TMC2: variants seen among roughly 807,000 people sequenced by gnomAD.
TMC2 encodes transmembrane channel-like protein 2.
In TMC2, 102 loss-of-function variants were observed where a neutral mutation model predicts 105.9. The ratio of observed to expected loss-of-function variants is 0.96; its 90% CI spans 0.82 to 1.14. TMC2 has a LOEUF of 1.14. Ranked by LOEUF, TMC2 falls within the 50% of genes most tolerant of loss-of-function variation. The probability of loss-of-function intolerance (pLI) is 0.00; values close to 1 mark genes in which losing one functional copy is unlikely to be tolerated. For synonymous variants in TMC2, 402 were observed against 422.8 expected (o/e 0.95, Z 0.60); for missense variants, 1,093 against 1,134.3 (o/e 0.96, Z 0.52).
chr20:2,543,071 T>C (rs1386399615), intron 2 of TMC2, among the ~76,000 whole-genome samples: 1 of 152,002 alleles, frequency 6.6e-6, no homozygotes, highest in Non-Finnish European at 1.5e-5. Flanking sequence ...ACCCTGTCTC[T>C]ACTAAAAATA....
chr20:2,625,777 T>A (rs2086560377), intron 17 of TMC2, among the ~76,000 whole-genome samples: 1 of 152,270 alleles, frequency 6.6e-6, no homozygotes. Flanking sequence ...TTGTGGGTCA[T>A]CAGCATGTGT....
intron 16 of TMC2, among the ~76,000 whole-genome samples, chr20:2,622,033 A>AAAT (rs770590965): frequency 1.1e-4 from 16 of 152,154 alleles, no homozygotes; most frequent in Non-Finnish European, 7.4e-5. Flanking sequence ...CTGGAAATAA[A>AAAT]AATAATAATA....
At chr20:2,618,087 G>A (rs2086498111) in intron 16 of TMC2, 1 of 152,230 alleles carries the variant, frequency 6.6e-6, no homozygotes, top group African/African-American at 2.4e-5. Flanking sequence ...TCTCCCTGCT[G>A]TGCTATGGAA....
At chr20:2,576,019 A>G (rs956169949) in intron 5 of TMC2, among the ~76,000 whole-genome samples, 5 of 152,122 alleles carry the variant, frequency 3.3e-5, no homozygotes, top group Non-Finnish European at 7.3e-5. Flanking sequence ...TGTATCTTGG[A>G]GGAAATGTTT....
intron 17 of TMC2, among the ~76,000 whole-genome samples, chr20:2,628,627 C>T (rs913539284): frequency 2.0e-5 from 3 of 152,152 alleles, no homozygotes; most frequent in African/African-American, 7.2e-5. Flanking sequence ...ATAAGGGGCT[C>T]TTCCCACTTT....
chr20:2,548,921 G>A (rs887649030), intron 2 of TMC2, among the ~76,000 whole-genome samples: 1 of 152,094 alleles, frequency 6.6e-6, no homozygotes, highest in Non-Finnish European at 1.5e-5. Flanking sequence ...ACATACTCAA[G>A]TAGAATAAAA....
At chr20:2,549,490 C>T (rs886342970) in intron 2 of TMC2, among the ~76,000 whole-genome samples, 2 of 152,140 alleles carry the variant, frequency 1.3e-5, no homozygotes, top group Non-Finnish European at 2.9e-5. Flanking sequence ...CGTCTGTAAT[C>T]CCAGCACTTT....
chr20:2,572,325 T>A, intron 5 of TMC2, 56 bp downstream of exon 5: 1 of 1,443,046 alleles, frequency 6.9e-7, no homozygotes, highest in Non-Finnish European at 9.7e-7. Flanking sequence ...CTTTGGAATC[T>A]GGCGACCAAC....
chr20:2,610,072 A>G (rs1324407343), intron 11 of TMC2, among the ~76,000 whole-genome samples: 1 of 152,172 alleles, frequency 6.6e-6, no homozygotes, highest in Non-Finnish European at 1.5e-5. Flanking sequence ...TCTCCTGGCT[A>G]TCTCCTGACC....
chr20:2,597,430 G>C (rs2086316887), intron 10 of TMC2, 132 bp downstream of exon 10: 1 of 900,030 alleles, frequency 1.1e-6, no homozygotes, highest in Non-Finnish European at 1.7e-6. Context: ...CCAGAAATGT[G>C]AGCCCAGTTT....
chr20:2,609,244 C>T (rs75150284), intron 11 of TMC2, among the ~76,000 whole-genome samples: 3,666 of 152,260 alleles, frequency 0.024, 146 homozygotes, highest in African/African-American at 0.081. Context: ...TGGACATCAA[C>T]TCAGACACTC....
Position 2,613,283 on chromosome 20 carries a change from C to G in TMC2, c.1833C>G (p.Phe611Leu), listed in dbSNP as rs1174385515. The G allele has an allele frequency of 6.2e-7, 1 of 1,614,064 alleles. No homozygotes were observed. The highest frequency in any genetic ancestry group is 8.5e-7 in the Non-Finnish European group (1 of 1,179,986). Residue 611 changes from phenylalanine to leucine, a missense_variant, in exon 14 of 20, where the codon TTC becomes TTG. Coordinates refer to ENST00000358864, the MANE Select transcript of TMC2 (RefSeq NM_080751.3). The stretch of plus-strand genomic sequence containing the variant: ...TCCTACGGGCTTGTTTTGTGCGGTT[C>G]ATGAACTACTGCTGGTGCTGGGACT... ...GDFLRACFVR[F>L]MNYCWCWDLE...
Position 2,579,966 on chromosome 20 carries a change from A to G in TMC2, c.744A>G (p.Ser248=). The G allele has an allele frequency of 3.1e-6, 5 of 1,613,858 alleles. No individual in the cohort carries two copies. Among genetic ancestry groups the G allele is most frequent in the Non-Finnish European group, 4.2e-6 (5 of 1,179,850 alleles). Residue 248 remains serine (S), a synonymous_variant, in exon 7 of 20, where the codon TCA becomes TCG. Transcript: ENST00000358864. ...TCTCTCTAGGTCACTTTGGTTCTTC[A>G]GTGGCATCGTATTTCATCTTTCTCC... ...IKDIESHFGS[S]VASYFIFLRW...
intron 5 of TMC2, 115 bp downstream of exon 5, chr20:2,572,384 C>A (rs890492090): frequency 2.1e-5 from 16 of 777,328 alleles, no homozygotes; most frequent in Admixed American, 1.6e-4. Context: ...CCCCCAGAAT[C>A]CTGGGTGTGA....
At chr20:2,608,880 G>C (rs1487279070) in intron 11 of TMC2, among the ~76,000 whole-genome samples, 1 of 152,208 alleles carries the variant, frequency 6.6e-6, no homozygotes, top group Non-Finnish European at 1.5e-5. Context: ...TGTGGGCAGA[G>C]TGTGTGTGAC....
rs190807696 is a variant in TMC2 at position 2,547,555 on chromosome 20, T to A, written c.82+10239T>A. ...ATCCTAATTGTTTCTGGCACCTGTA[T>A]TTTAAATAAGGTGAAAGAACAAGTC... is the stretch of plus-strand genomic sequence containing the variant. On this transcript the variant is annotated intron_variant, in intron 2 of 19. Transcript: ENST00000358864. Among the ~76,000 whole-genome samples, 381 of 152,364 alleles carry A rather than the reference T, an allele frequency of 2.5e-3. 6 individuals carry two copies. Among genetic ancestry groups the A allele is most frequent in the African/African-American group, 8.7e-3 (363 of 41,594 alleles).
rs1163211292 is a variant in TMC2, at chr20:2,611,327, A to T, written c.1593+729A>T. Among the ~76,000 whole-genome samples, 3 of 152,074 alleles carry T rather than the reference A, an allele frequency of 2.0e-5. No homozygotes were observed. The East Asian group carries it at 5.8e-4, about 29-fold the overall frequency. ...ATTGAGCTGTAGGAACTTTTTCCTGATGCTAACAGAAAACTGTTCTAAGCA... is the reference window on the plus strand; with the variant it reads ...ATTGAGCTGTAGGAACTTTTTCCTGTTGCTAACAGAAAACTGTTCTAAGCA... On this transcript the variant is annotated intron_variant, in intron 12 of 19. Coordinates refer to ENST00000358864, the MANE Select transcript of TMC2 (RefSeq NM_080751.3).
intron 17 of TMC2, among the ~76,000 whole-genome samples, chr20:2,624,644 C>T (rs1170616774): frequency 6.6e-6 from 1 of 152,120 alleles, no homozygotes; most frequent in Non-Finnish European, 1.5e-5. Flanking sequence ...CTCAGCCCTC[C>T]CTAAGGGCAA....
chr20:2,558,787 T>G lies in TMC2; in HGVS notation c.401+13T>G, dbSNP rs761250577. The G allele has an allele frequency of 2.0e-6, 3 of 1,523,584 alleles. No homozygotes were observed. Among genetic ancestry groups the G allele is most frequent in the Non-Finnish European group, 2.6e-6 (3 of 1,137,560 alleles). The allele number at this position is 1,523,584 out of a possible 1,614,324, so 94.4% of individuals were successfully genotyped here. ...AGAAGAAACCCAGGTGTGTTGTGGC[T>G]CCGATTCTGGGCATTCGCTCCGCGC... On this transcript the variant is annotated intron_variant, in intron 3 of 19. Coordinates refer to ENST00000358864, the MANE Select transcript of TMC2 (RefSeq NM_080751.3). The surrounding 1 kb of genome is among the most constrained non-coding windows in gnomAD (Gnocchi z 4.6).
Sources: gnomAD v4.1 joint callset for allele counts (sites outside exome capture counted in the v4.1 genomes callset) on GRCh38, gnomAD v4.1.1 for gene constraint, Gnocchi (gnomAD v3.1) non-coding constraint, MANE v1.5 for transcripts, NCBI Gene and HGNC (gene_info 2026-07-23, HGNC 2026-07-21) for gene names.